Variants in CMC2 observed in about 807,000 individuals in gnomAD.
CMC2 encodes C-X9-C motif containing 2, also known as COX assembly mitochondrial protein 2 homolog.
A neutral mutation model predicts 7.5 loss-of-function variants in CMC2; 5 were observed. The observed-to-expected ratio is 0.66, with a 90% CI of 0.35 to 1.40. The LOEUF (loss-of-function observed/expected upper bound fraction) is 1.40. CMC2 is among the 40% of genes most tolerant of loss of function. The probability of loss-of-function intolerance (pLI) is 0.04; values close to 1 mark genes in which losing one functional copy is unlikely to be tolerated. For missense variants in CMC2, 115 were observed against 92.3 expected (o/e 1.25, Z -1.01); for synonymous variants, 37 against 31.4 (o/e 1.18, Z -0.60).
In CMC2 at chr16:80,969,781, T is replaced by C. The variant is rs958948741; in HGVS notation, c.*6312A>G. 6.6e-6 allele frequency: 1 copy of C among 151,590 alleles called. No homozygotes were observed. Among genetic ancestry groups the C allele is most frequent in the Non-Finnish European group, 1.5e-5 (1 of 68,168 alleles). 9.4% of individuals were successfully genotyped at this position (151,590 alleles called of 1,614,324 possible). A position where few individuals can be genotyped will look rare whatever the true frequency, so the allele number is the denominator to read the frequency against. ...GGTGCATGCCTGTAATCCCAGCTAC[T>C]TGGGAGGCTGAGGCACAAGAATCAC... On this transcript the variant is annotated 3_prime_UTR_variant, in exon 4 of 4. Coordinates refer to ENST00000219400, the MANE Select transcript of CMC2 (RefSeq NM_020188.5).
At position 80,969,728 on chromosome 16, in the gene CMC2, A is replaced by C. The variant is rs1476389923; in HGVS notation, c.*6365T>G. ...CATGGTGAAACCCCGTCTCTACTAA[A>C]AGGACAAAAAAATTAGCCGGGCATC... On this transcript the variant is annotated 3_prime_UTR_variant, in exon 4 of 4. Coordinates refer to ENST00000219400, the MANE Select transcript of CMC2 (RefSeq NM_020188.5). The C allele has an allele frequency of 6.6e-6, 1 of 152,238 alleles. No homozygotes were observed. The highest frequency in any genetic ancestry group is 1.9e-4 in the East Asian group (1 of 5,198). The allele number at this position is 152,238 out of a possible 1,614,324, so 9.4% of individuals were successfully genotyped here.
At chr16:81,002,698 T>A (rs940786825) in intron 1 of CMC2, among the ~76,000 whole-genome samples, 2 of 152,184 alleles carry the variant, frequency 1.3e-5, no homozygotes, top group African/African-American at 4.8e-5. Flanking sequence ...CCTCCCTCTA[T>A]AACAAGTTTA....
At position 80,976,600 on chromosome 16, in the gene CMC2, C is replaced by T. The variant is rs559744478; in HGVS notation, c.154-421G>A. 7.9e-5 allele frequency among the ~76,000 whole-genome samples: 12 copies of T among 152,288 alleles called. No homozygotes were observed. In the South Asian group the frequency reaches 2.5e-3, roughly 32 times the overall value. On this transcript the variant is annotated intron_variant, in intron 3 of 3. Transcript: ENST00000219400. ...AGAGGCTCACTTCCTTGAGAGGTAG[C>T]CTGTCTAACTGTTGGGACAATTCTA... is the stretch of plus-strand genomic sequence containing the variant.
rs1232810208 is a variant in CMC2 at position 80,966,532 on chromosome 16, G to C, written c.*9561C>G. 3.3e-5 allele frequency: 5 copies of C among 152,024 alleles called. No homozygotes were observed. The highest frequency in any genetic ancestry group is 1.2e-4 in the African/African-American group (5 of 41,374). 9.4% of individuals were successfully genotyped at this position (152,024 alleles called of 1,614,324 possible). A position where few individuals can be genotyped will look rare whatever the true frequency, so the allele number is the denominator to read the frequency against. ...TTTTGGTCTTAGGTTGAAAATCTTG[G>C]TTTCTACTGACACTAACATCATAAC... On this transcript the variant is annotated 3_prime_UTR_variant, in exon 4 of 4. Coordinates refer to ENST00000219400, the MANE Select transcript of CMC2 (RefSeq NM_020188.5).
At chr16:80,997,958 T>G (rs1968557846) in intron 1 of CMC2, 1 of 152,034 alleles carries the variant, frequency 6.6e-6, no homozygotes. Flanking sequence ...GAAAAAAAAT[T>G]TCAAATTTAA....
At position 80,996,929 on chromosome 16, in the gene CMC2, A is replaced by C. The variant is rs1033087854; in HGVS notation, c.81+385T>G. 7.5e-6 allele frequency: 3 copies of C among 398,892 alleles called. No individual in the cohort carries two copies. In the Admixed American group the frequency reaches 1.1e-4, roughly 14 times the overall value. 24.7% of individuals were successfully genotyped at this position (398,892 alleles called of 1,614,324 possible). On this transcript the variant is annotated intron_variant, in intron 2 of 3. Coordinates refer to ENST00000219400, the MANE Select transcript of CMC2 (RefSeq NM_020188.5). ...TATAACACGTTTCTATTACCATTAA[A>C]CACAGAATGGTAGCCATCAAAGAGC...
Position 80,978,208 on chromosome 16 carries a change from GA to G in CMC2, c.154-2030del, listed in dbSNP as rs1252070371. ...TAAAACGTATTCTAGAACAAGGAAG[GA>G]TACCTGCTCTGAGAAAAAGCTTTCA... On this transcript the variant is annotated intron_variant, in intron 3 of 3. Coordinates refer to ENST00000219400, the MANE Select transcript of CMC2 (RefSeq NM_020188.5). 4 of 944,690 alleles carry G rather than the reference GA, an allele frequency of 4.2e-6. No homozygotes were observed. In the African/African-American group the frequency reaches 5.4e-5, roughly 13 times the overall value. 58.5% of individuals were successfully genotyped at this position (944,690 alleles called of 1,614,324 possible). A position where few individuals can be genotyped will look rare whatever the true frequency, so the allele number is the denominator to read the frequency against.
Position 80,997,301 on chromosome 16 carries a change from T to C in CMC2, c.81+13A>G, listed in dbSNP as rs2151645852. On this transcript the variant is annotated intron_variant, in intron 2 of 3. Coordinates refer to ENST00000219400, the MANE Select transcript of CMC2 (RefSeq NM_020188.5). ...TTCATTTTGGCTGTACAGTCGTTTT[T>C]CTGAACTCTTACATTTTTGTGACAT... The C allele has an allele frequency of 1.4e-6, 2 of 1,391,086 alleles. No homozygotes were observed. Among genetic ancestry groups the C allele is most frequent in the Non-Finnish European group, 2.0e-6 (2 of 977,194 alleles). 86.2% of individuals were successfully genotyped at this position (1,391,086 alleles called of 1,614,324 possible).
chr16:80,970,361 G>C lies in CMC2; in HGVS notation c.*5732C>G, dbSNP rs748911742. On this transcript the variant is annotated 3_prime_UTR_variant, in exon 4 of 4. Coordinates refer to ENST00000219400, the MANE Select transcript of CMC2 (RefSeq NM_020188.5). ...GGAATTGGAGAAAATGCAGTATTTA[G>C]CTTTTGAGTTTCACAAATATGGGAA... The C allele has an allele frequency of 4.6e-5, 7 of 152,170 alleles. No individual in the cohort carries two copies. The highest frequency in any genetic ancestry group is 1.0e-4 in the Non-Finnish European group (7 of 68,044). The allele number at this position is 152,170 out of a possible 1,614,324, so 9.4% of individuals were successfully genotyped here.
rs1452675699 is a variant in CMC2, at chr16:81,006,789, G to C, written c.-91C>G. ...GCGGCAGTAGCCGGCGGAGACGCCCGACCCGAAGGCCGGCTGCTAGGGAGC... is the reference window on the plus strand; with the variant it reads ...GCGGCAGTAGCCGGCGGAGACGCCCCACCCGAAGGCCGGCTGCTAGGGAGC... On this transcript the variant is annotated 5_prime_UTR_variant, in exon 1 of 4. Coordinates refer to ENST00000219400, the MANE Select transcript of CMC2 (RefSeq NM_020188.5). 1 of 985,474 alleles carries C rather than the reference G, an allele frequency of 1.0e-6. No individual in the cohort carries two copies. The highest frequency in any genetic ancestry group is 1.7e-5 in the African/African-American group (1 of 57,220). 61.0% of individuals were successfully genotyped at this position (985,474 alleles called of 1,614,324 possible).
Position 80,966,788 on chromosome 16 carries a change from T to G in CMC2, c.*9305A>C, listed in dbSNP as rs1213646609. On this transcript the variant is annotated 3_prime_UTR_variant, in exon 4 of 4. Transcript: ENST00000219400. ...CAGCTTGTTTTCAAGTTTTAGGAAT[T>G]TCTTCTTTTCTTTATATAATCACCA... The G allele has an allele frequency of 1.3e-5, 2 of 152,166 alleles. No homozygotes were observed. Among genetic ancestry groups the G allele is most frequent in the East Asian group, 3.8e-4 (2 of 5,198 alleles). 9.4% of individuals were successfully genotyped at this position (152,166 alleles called of 1,614,324 possible).
At chr16:80,976,908 A>G (rs914072858) in intron 3 of CMC2, among the ~76,000 whole-genome samples, 2 of 152,116 alleles carry the variant, frequency 1.3e-5, no homozygotes, top group African/African-American at 4.8e-5. Flanking sequence ...AACCTATAAA[A>G]TGACTTTTAT....
chr16:80,994,854 T>C (rs984146133), intron 2 of CMC2, among the ~76,000 whole-genome samples: 1 of 152,154 alleles, frequency 6.6e-6, no homozygotes, highest in African/African-American at 2.4e-5. Flanking sequence ...CACAAAGACT[T>C]GCACATGATG....
intron 2 of CMC2, chr16:80,997,033 A>C (rs752925658): frequency 2.0e-6 from 1 of 504,528 alleles, no homozygotes; most frequent in Non-Finnish European, 3.7e-6. Context: ...ATAATTAGGA[A>C]AGAGAAAGCA....
chr16:80,998,085 ACAT>A (rs2151647291), intron 1 of CMC2: 1 of 150,784 alleles, frequency 6.6e-6, no homozygotes, highest in South Asian at 2.1e-4. Context: ...CAAAGGAAAA[ACAT>A]CATGGGCAGC....
intron 2 of CMC2, among the ~76,000 whole-genome samples, chr16:80,992,536 C>T (rs1968083465): frequency 6.6e-6 from 1 of 151,988 alleles, no homozygotes; most frequent in Non-Finnish European, 1.5e-5. Context: ...TTAATTTGGC[C>T]CCCCTGCAGA....
In CMC2 at chr16:80,994,361, A is replaced by G. The variant is rs578052145; in HGVS notation, c.81+2953T>C. ...AAGATCCTTAAGACACAAAAAGCAC[A>G]AACCATGAAAGAAAAAAAAAAGACT... On this transcript the variant is annotated intron_variant, in intron 2 of 3. Coordinates refer to ENST00000219400, the MANE Select transcript of CMC2 (RefSeq NM_020188.5). Among the ~76,000 whole-genome samples, 6 of 152,174 alleles carry G rather than the reference A, an allele frequency of 3.9e-5. 1 individual carries two copies. The South Asian group carries it at 1.2e-3, about 32-fold the overall frequency.
chr16:80,997,167 C>T (rs955284508), intron 2 of CMC2, 147 bp downstream of exon 2: 9 of 616,148 alleles, frequency 1.5e-5, no homozygotes, highest in African/African-American at 7.4e-5. Flanking sequence ...AGAAAAAAAT[C>T]GCACATATCA....
chr16:80,990,678 A>C (rs145886893), intron 2 of CMC2, among the ~76,000 whole-genome samples: 1 of 152,222 alleles, frequency 6.6e-6, no homozygotes, highest in African/African-American at 2.4e-5. Flanking sequence ...CTTCTTCACG[A>C]AATATATCCT....
Sources: gnomAD v4.1 joint callset for allele counts (sites outside exome capture counted in the v4.1 genomes callset) on GRCh38, gnomAD v4.1.1 for gene constraint, MANE v1.5 for transcripts, NCBI Gene and HGNC (gene_info 2026-07-23, HGNC 2026-07-21) for gene names.